The following BCAT1 variants were observed in gnomAD, a reference collection of about 807,000 sequenced individuals.
BCAT1 encodes branched chain amino acid transaminase 1, also known as branched-chain-amino-acid aminotransferase, cytosolic.
BCAT1 carries 48 observed loss-of-function variants against 52.4 expected under a neutral mutation model. The ratio of observed to expected loss-of-function variants is 0.92; its 90% CI spans 0.73 to 1.16. BCAT1 has a LOEUF of 1.16. Among genes scored for constraint, BCAT1 ranks in the 50% most tolerant of loss-of-function variants. The pLI, the probability that BCAT1 is intolerant of heterozygous loss-of-function variation, is 0.00. For synonymous variants in BCAT1, 167 were observed against 161.3 expected (o/e 1.04, Z -0.27); for missense variants, 451 against 457.1 (o/e 0.99, Z 0.12).
intron 1 of BCAT1, among the ~76,000 whole-genome samples, chr12:24,913,940 G>A (rs1943367154): frequency 6.6e-6 from 1 of 152,176 alleles, no homozygotes; most frequent in African/African-American, 2.4e-5. Context: ...TGGCTTTGGG[G>A]AAAAGGGGTT....
intron 5 of BCAT1, among the ~76,000 whole-genome samples, chr12:24,850,748 G>T (rs372612592): frequency 6.6e-6 from 1 of 152,282 alleles, no homozygotes; most frequent in East Asian, 1.9e-4. Context: ...TTTCCTGTAT[G>T]TCACTTTCCT....
chr12:24,936,810 A>G (rs1943764513), intron 1 of BCAT1, among the ~76,000 whole-genome samples: 1 of 150,746 alleles, frequency 6.6e-6, no homozygotes, highest in South Asian at 2.1e-4. Context: ...TCTGCTTTTG[A>G]CCCTCTGCCT....
chr12:24,848,432 A>C (rs1441315656), intron 6 of BCAT1, among the ~76,000 whole-genome samples: 1 of 152,228 alleles, frequency 6.6e-6, no homozygotes, highest in Non-Finnish European at 1.5e-5. Flanking sequence ...ATTCTGCAAT[A>C]GTGCATTAAA....
intron 1 of BCAT1, among the ~76,000 whole-genome samples, chr12:24,939,701 G>A (rs112286666): frequency 0.015 from 2,213 of 152,248 alleles, 51 homozygotes; most frequent in African/African-American, 0.05. Flanking sequence ...GCCAAGCATG[G>A]TGGCAGGCAT....
rs1182867700 is a variant in BCAT1 at position 24,948,945 on chromosome 12, C to T, written c.-13G>A. On this transcript the variant is annotated 5_prime_UTR_variant, in exon 1 of 11. Coordinates refer to ENST00000261192, the MANE Select transcript of BCAT1 (RefSeq NM_005504.7). ...TAGTTACCTTCATTGTTCCGTCGGC[C>T]ACGAGGGAAGCTCGAGCTGAGCGGA... is the stretch of plus-strand genomic sequence containing the variant. The T allele has an allele frequency of 6.3e-7, 1 of 1,594,876 alleles. No homozygotes were observed. Among genetic ancestry groups the T allele is most frequent in the African/African-American group, 1.3e-5 (1 of 74,694 alleles).
At chr12:24,900,684 C>T (rs12322341) in intron 2 of BCAT1, among the ~76,000 whole-genome samples, 24,276 of 152,200 alleles carry the variant, frequency 0.16, 2,200 homozygotes, top group African/African-American at 0.23. Flanking sequence ...CTCACGCCTG[C>T]AATCCCAGCA....
rs1020265159 is a variant in BCAT1, at chr12:24,861,301, T to C, written c.511-11352A>G. 9.8e-5 allele frequency among the ~76,000 whole-genome samples: 15 copies of C among 152,360 alleles called. No individual in the cohort carries two copies. The East Asian group carries it at 2.7e-3, about 27-fold the overall frequency. ...GTTGGAATTGGCTAGCAACCCCATA[T>C]AAGCTTGGTTCCAACAACTGCCTAG... is the stretch of plus-strand genomic sequence containing the variant. On this transcript the variant is annotated intron_variant, in intron 5 of 10. Transcript: ENST00000261192.
intron 5 of BCAT1, among the ~76,000 whole-genome samples, chr12:24,858,151 G>T (rs1270396282): frequency 6.6e-6 from 1 of 152,168 alleles, no homozygotes; most frequent in East Asian, 1.9e-4. Context: ...GCTCCACCCT[G>T]AAGCCAGTAA....
At chr12:24,870,837 A>G (rs1349037720) in intron 5 of BCAT1, among the ~76,000 whole-genome samples, 2 of 152,160 alleles carry the variant, frequency 1.3e-5, no homozygotes, top group African/African-American at 4.8e-5. Context: ...AGCCTGGCCA[A>G]CATGGTGAAA....
intron 8 of BCAT1, chr12:24,834,742 T>C: frequency 8.9e-7 from 1 of 1,129,434 alleles, no homozygotes; most frequent in Non-Finnish European, 1.1e-6. Flanking sequence ...GCAATTATGT[T>C]GTTCAAAAGT....
At chr12:24,912,708 A>T in intron 1 of BCAT1, among the ~76,000 whole-genome samples, 1 of 152,098 alleles carries the variant, frequency 6.6e-6, no homozygotes, top group East Asian at 1.9e-4. Context: ...CTAAAAAAAA[A>T]AAAAAAAAAT....
chr12:24,842,184 C>A lies in BCAT1; in HGVS notation c.715G>T (p.Asp239Tyr). The A allele has an allele frequency of 6.2e-7, 1 of 1,613,890 alleles. No homozygotes were observed. The highest frequency in any genetic ancestry group is 8.5e-7 in the Non-Finnish European group (1 of 1,179,814). Residue 239 changes from aspartate to tyrosine, a missense_variant, in exon 7 of 11, where the codon GAT becomes TAT. Transcript: ENST00000261192. The stretch of plus-strand genomic sequence containing the variant: ...CACAGGACCTGCTGACACCCATTAT[C>A]TACTGCTTCACATTGGGCAAAAAGA... Reference protein sequence around the residue: ...SSLFAQCEAVDNGCQQVLWLY... With the variant: ...SSLFAQCEAVYNGCQQVLWLY...
In BCAT1 at chr12:24,810,130, C is replaced by T. The variant is rs1006491424; in HGVS notation, c.*7878G>A. ...GAATGATCATGGGTTTTGATCAACA[C>T]TGTCGCGATTGCATACAGACATAGC... On this transcript the variant is annotated 3_prime_UTR_variant, in exon 11 of 11. Coordinates refer to ENST00000261192, the MANE Select transcript of BCAT1 (RefSeq NM_005504.7). 6.6e-6 allele frequency: 1 copy of T among 152,176 alleles called. No individual in the cohort carries two copies. Among genetic ancestry groups the T allele is most frequent in the Non-Finnish European group, 1.5e-5 (1 of 68,038 alleles). 9.4% of individuals were successfully genotyped at this position (152,176 alleles called of 1,614,324 possible).
rs1939833907 is a variant in BCAT1 at position 24,815,200 on chromosome 12, C to T, written c.*2808G>A. 1 of 152,090 alleles carries T rather than the reference C, an allele frequency of 6.6e-6. No individual in the cohort carries two copies. Among genetic ancestry groups the T allele is most frequent in the Admixed American group, 6.6e-5 (1 of 15,258 alleles). The allele number at this position is 152,090 out of a possible 1,614,324, so 9.4% of individuals were successfully genotyped here. A position where few individuals can be genotyped will look rare whatever the true frequency, so the allele number is the denominator to read the frequency against. ...GTGTTTTCAAAAAAGCTGACAAGCT[C>T]GGTCTGAAATGTAGAAACTGAAAAA... On this transcript the variant is annotated 3_prime_UTR_variant, in exon 11 of 11. Coordinates refer to ENST00000261192, the MANE Select transcript of BCAT1 (RefSeq NM_005504.7).
Position 24,878,601 on chromosome 12 carries a change from A to G in BCAT1, c.439T>C (p.Leu147=), listed in dbSNP as rs781649346. 1.2e-6 allele frequency: 2 copies of G among 1,609,808 alleles called. No individual in the cohort carries two copies. The highest frequency in any genetic ancestry group is 2.2e-5 in the South Asian group (2 of 90,956). ...LLECIQQLVK[L]DQEWVPYSTS... ...GAATATGGGACCCATTCTTGATCCA[A>G]TTTCACAAGCTGTTGAATACACTCT... The change falls in exon 5 of 11, where the codon TTG becomes CTG. Residue 147 remains leucine, a synonymous_variant. Coordinates refer to ENST00000261192, the MANE Select transcript of BCAT1 (RefSeq NM_005504.7).
chr12:24,887,666 T>G lies in BCAT1; in HGVS notation c.280-6255A>C, dbSNP rs1942722303. ...CTGGATGGCAAATATGAGCATTCAT[T>G]TATTAGTACACATTAAATAGTACAT... On this transcript the variant is annotated intron_variant, in intron 3 of 10. Transcript: ENST00000261192. 2.0e-5 allele frequency among the ~76,000 whole-genome samples: 3 copies of G among 152,226 alleles called. No individual in the cohort carries two copies. The South Asian group carries it at 6.2e-4, about 32-fold the overall frequency.
intron 1 of BCAT1, among the ~76,000 whole-genome samples, chr12:24,926,148 C>T (rs1422661857): frequency 2.6e-4 from 39 of 148,720 alleles, no homozygotes; most frequent in Non-Finnish European, 3.9e-4. Context: ...AAGTGAGGAG[C>T]GTCTCTGCCC....
intron 2 of BCAT1, among the ~76,000 whole-genome samples, chr12:24,896,694 G>A (rs1225551037): frequency 6.6e-6 from 1 of 152,140 alleles, no homozygotes; most frequent in African/African-American, 2.4e-5. Context: ...TTGAACCTGG[G>A]AGGCAGAGGT....
At chr12:24,851,678 A>G (rs10771133) in intron 5 of BCAT1, among the ~76,000 whole-genome samples, 146,203 of 152,314 alleles carry the variant, frequency 0.96, 70,444 homozygotes, top group East Asian at 1. Context: ...GTTCTTTAAC[A>G]GAGACTGAAG....
Sources: allele counts gnomAD v4.1 joint callset (sites outside exome capture counted in the v4.1 genomes callset), GRCh38; gene constraint gnomAD v4.1.1; transcripts MANE v1.5; gene names NCBI Gene and HGNC (gene_info 2026-07-23, HGNC 2026-07-21).